Variants in TAF1B observed in about 807,000 individuals in gnomAD.
The protein encoded by TAF1B is TATA-box binding protein associated factor, RNA polymerase I subunit B.
TAF1B carries 61 observed loss-of-function variants against 83.9 expected under a neutral mutation model. The ratio of observed to expected loss-of-function variants is 0.73; its 90% CI spans 0.59 to 0.90. TAF1B has a LOEUF of 0.90. Among genes scored for constraint, TAF1B ranks in the 40% least tolerant of loss-of-function variants. The probability of loss-of-function intolerance (pLI) is 0.00; values close to 1 mark genes in which losing one functional copy is unlikely to be tolerated. For synonymous variants in TAF1B, 221 were observed against 224.6 expected (o/e 0.98, Z 0.14); for missense variants, 625 against 677.0 (o/e 0.92, Z 0.85).
At chr2:9,908,107 G>A (rs1438675571) in intron 9 of TAF1B, among the ~76,000 whole-genome samples, 47 of 31,516 alleles carry the variant, frequency 1.5e-3, no homozygotes, top group African/African-American at 2.3e-3. Context: ...GTGTAATGGC[G>A]TGATCTCCGC....
intron 8 of TAF1B, among the ~76,000 whole-genome samples, chr2:9,898,771 G>A (rs575690547): frequency 3.9e-5 from 6 of 152,170 alleles, no homozygotes; most frequent in South Asian, 2.1e-4. Flanking sequence ...AAGAGGTTTC[G>A]TGTAAGATAA....
At chr2:9,861,643 GCCT>G (rs1248185759) in intron 5 of TAF1B, among the ~76,000 whole-genome samples, 3 of 152,358 alleles carry the variant, frequency 2.0e-5, no homozygotes, top group Admixed American at 1.3e-4. Flanking sequence ...CGGGCAGACT[GCCT>G]CCTCAAGTGG....
At chr2:9,866,234 T>C (rs866945467) in intron 5 of TAF1B, among the ~76,000 whole-genome samples, 8 of 151,846 alleles carry the variant, frequency 5.3e-5, no homozygotes, top group Admixed American at 1.3e-4. Flanking sequence ...TCAAACAAAT[T>C]TACAGGAAAA....
At chr2:9,923,640 T>C (rs555264158) in intron 14 of TAF1B, among the ~76,000 whole-genome samples, 13 of 151,094 alleles carry the variant, frequency 8.6e-5, no homozygotes, top group Admixed American at 3.3e-4. Flanking sequence ...GATCACGCCA[T>C]TGCACTCCAG....
intron 14 of TAF1B, among the ~76,000 whole-genome samples, chr2:9,921,247 A>T (rs1443951665): frequency 6.6e-6 from 1 of 152,128 alleles, no homozygotes; most frequent in African/African-American, 2.4e-5. Context: ...GTGCACCACC[A>T]TACCCAGCTA....
chr2:9,866,237 CAGGAAAAA>C (rs1353925998), intron 5 of TAF1B, among the ~76,000 whole-genome samples: 6 of 152,048 alleles, frequency 3.9e-5, no homozygotes, highest in Non-Finnish European at 8.8e-5. Flanking sequence ...AACAAATTTA[CAGGAAAAA>C]AACAAACAAC....
rs1286224179 is a variant in TAF1B at position 9,889,029 on chromosome 2, T to G, written c.807+6224T>G. Among the ~76,000 whole-genome samples, 3 of 151,932 alleles carry G rather than the reference T, an allele frequency of 2.0e-5. No individual in the cohort carries two copies. In the East Asian group the frequency reaches 5.8e-4, roughly 30 times the overall value. On this transcript the variant is annotated intron_variant, in intron 8 of 14. Transcript: ENST00000263663. ...GTGGGCCAGGCTGGTCTCGAACTCC[T>G]GACCTCAGGTGATCCACCCGCCTCG...
intron 9 of TAF1B, among the ~76,000 whole-genome samples, chr2:9,906,114 A>G (rs1338396841): frequency 1.3e-5 from 2 of 152,084 alleles, no homozygotes; most frequent in South Asian, 2.1e-4. Context: ...CTTATGTTCT[A>G]AATCCTGAGT....
intron 5 of TAF1B, among the ~76,000 whole-genome samples, chr2:9,867,300 G>A (rs1038885600): frequency 6.6e-6 from 1 of 152,142 alleles, no homozygotes; most frequent in Admixed American, 6.5e-5. Context: ...ATCAGGCAGA[G>A]GCAGAGTATG....
At chr2:9,894,947 G>A (rs781330685) in intron 8 of TAF1B, among the ~76,000 whole-genome samples, 1 of 152,182 alleles carries the variant, frequency 6.6e-6, no homozygotes, top group African/African-American at 2.4e-5. Context: ...TGGAGAACAG[G>A]CACATATTAA....
intron 12 of TAF1B, among the ~76,000 whole-genome samples, chr2:9,918,197 A>G (rs941388181): frequency 3.3e-5 from 5 of 152,228 alleles, no homozygotes; most frequent in African/African-American, 1.2e-4. Flanking sequence ...TAAAATTATT[A>G]TAAGTTATGA....
At chr2:9,912,821 C>T (rs564724420) in intron 11 of TAF1B, among the ~76,000 whole-genome samples, 10 of 152,304 alleles carry the variant, frequency 6.6e-5, no homozygotes, top group African/African-American at 1.7e-4. Context: ...ACAGTTCTTT[C>T]GGTAGTTTCC....
chr2:9,875,139 T>A (rs74920578), intron 6 of TAF1B, among the ~76,000 whole-genome samples: 24,937 of 151,826 alleles, frequency 0.16, 2,144 homozygotes, highest in Middle Eastern at 0.29. Flanking sequence ...TTTTTTGTAT[T>A]TTTTAGTAAA....
At chr2:9,895,727 T>TA (rs1210596377) in intron 8 of TAF1B, among the ~76,000 whole-genome samples, 1 of 152,090 alleles carries the variant, frequency 6.6e-6, no homozygotes, top group Non-Finnish European at 1.5e-5. Context: ...CAGTTTGGTT[T>TA]AACAGGTGCA....
chr2:9,876,040 A>G (rs779406405), intron 7 of TAF1B, 22 bp downstream of exon 7: 28 of 1,573,702 alleles, frequency 1.8e-5, no homozygotes, highest in Non-Finnish European at 2.2e-5. Flanking sequence ...CTCTTGTATG[A>G]TAATATTTTT....
Position 9,910,765 on chromosome 2 carries a change from G to T in TAF1B, c.985G>T (p.Val329Leu), listed in dbSNP as rs200551366. The T allele has an allele frequency of 6.2e-7, 1 of 1,611,738 alleles. No individual in the cohort carries two copies. Among genetic ancestry groups the T allele is most frequent in the Non-Finnish European group, 8.5e-7 (1 of 1,178,942 alleles). Residue 329 changes from valine to leucine, a missense_variant, in exon 10 of 15, where the codon GTA becomes TTA. Coordinates refer to ENST00000263663, the MANE Select transcript of TAF1B (RefSeq NM_005680.3). Reference sequence around the variant, plus strand: ...AATGCATAGCTTAACTTGCCACGTGGTAAAAATGACTGGAATGGGAGAAGT... The same window carrying T: ...AATGCATAGCTTAACTTGCCACGTGTTAAAAATGACTGGAATGGGAGAAGT... ...DEMHSLTCHVVKMTGMGEVDF... is the reference protein window; with the variant it reads ...DEMHSLTCHVLKMTGMGEVDF...
chr2:9,882,872 T>C, intron 8 of TAF1B, 67 bp downstream of exon 8: 1 of 1,167,118 alleles, frequency 8.6e-7, no homozygotes, highest in Non-Finnish European at 1.2e-6. Flanking sequence ...TAATTTCTAT[T>C]TCTTGCTTGA....
At chr2:9,891,786 A>G (rs1664881107) in intron 8 of TAF1B, among the ~76,000 whole-genome samples, 1 of 152,238 alleles carries the variant, frequency 6.6e-6, no homozygotes, top group Non-Finnish European at 1.5e-5. Flanking sequence ...AAAAATAGAA[A>G]AAAACATTAT....
chr2:9,890,696 G>A (rs1371513416), intron 8 of TAF1B, among the ~76,000 whole-genome samples: 1 of 152,158 alleles, frequency 6.6e-6, no homozygotes, highest in Non-Finnish European at 1.5e-5. Flanking sequence ...CATGTGAAAT[G>A]ATTACATCAA....
Sources: allele counts gnomAD v4.1 joint callset (sites outside exome capture counted in the v4.1 genomes callset), GRCh38; gene constraint gnomAD v4.1.1; transcripts MANE v1.5; gene names NCBI Gene and HGNC (gene_info 2026-07-23, HGNC 2026-07-21).